Variants in MSI2 observed in about 807,000 individuals in gnomAD.
MSI2 encodes the protein musashi RNA binding protein 2.
A neutral mutation model predicts 45.6 loss-of-function variants in MSI2; 17 were observed. The observed-to-expected ratio is 0.37, with a 90% CI of 0.26 to 0.56. The LOEUF is 0.56. Ranked by LOEUF, MSI2 falls within the 20% of genes least tolerant of loss-of-function variation. The pLI is 0.77. For synonymous variants in MSI2, 156 were observed against 158.2 expected, an observed-to-expected ratio of 0.99 and a Z score of 0.11; for missense variants, 293 against 444.2, an observed-to-expected ratio of 0.66 and a Z score of 3.06.
intron 8 of MSI2, among the ~76,000 whole-genome samples, chr17:57,606,791 T>A (rs546515367): frequency 6.6e-6 from 1 of 151,790 alleles, no homozygotes; most frequent in Non-Finnish European, 1.5e-5. Context: ...GGTAAGGAGA[T>A]CAGTTGTGGA....
intron 5 of MSI2, among the ~76,000 whole-genome samples, chr17:57,330,384 C>T (rs1357457704): frequency 6.6e-6 from 1 of 151,252 alleles, no homozygotes; most frequent in East Asian, 1.9e-4. Flanking sequence ...TCCTGGGCTC[C>T]AGCGATTCTC....
chr17:57,536,157 A>G (rs781714729), intron 7 of MSI2, among the ~76,000 whole-genome samples: 17 of 152,224 alleles, frequency 1.1e-4, no homozygotes, highest in Non-Finnish European at 1.9e-4. Context: ...AAAATAATTT[A>G]AAGCATTGCT....
intron 5 of MSI2, among the ~76,000 whole-genome samples, chr17:57,271,154 G>T (rs1406636327): frequency 2.6e-5 from 4 of 152,262 alleles, no homozygotes; most frequent in Middle Eastern, 6.8e-3. Flanking sequence ...CTCTACCAAT[G>T]ACTGATCTGA....
At chr17:57,351,298 C>T (rs1916011999) in intron 5 of MSI2, among the ~76,000 whole-genome samples, 1 of 151,990 alleles carries the variant, frequency 6.6e-6, no homozygotes, top group South Asian at 2.1e-4. Context: ...TCAGTAAGGG[C>T]ACTAGCCATG....
intron 11 of MSI2, among the ~76,000 whole-genome samples, chr17:57,661,365 G>A (rs1055755384): frequency 6.6e-6 from 1 of 152,212 alleles, no homozygotes; most frequent in Non-Finnish European, 1.5e-5. Context: ...TTTGGAGTGG[G>A]AAGCTGTCTG....
intron 7 of MSI2, among the ~76,000 whole-genome samples, chr17:57,561,574 G>T (rs2087576080): frequency 6.6e-6 from 1 of 152,222 alleles, no homozygotes; most frequent in Non-Finnish European, 1.5e-5. Flanking sequence ...TTGCCCAGTT[G>T]CTGCTTTGAT....
intron 6 of MSI2, among the ~76,000 whole-genome samples, chr17:57,512,171 T>G (rs2086370085): frequency 6.6e-6 from 1 of 152,232 alleles, no homozygotes; most frequent in African/African-American, 2.4e-5. Flanking sequence ...TATCCTGCAC[T>G]GATGGCGCCT....
intron 6 of MSI2, among the ~76,000 whole-genome samples, chr17:57,406,240 A>T (rs1463880217): frequency 6.6e-6 from 1 of 152,066 alleles, no homozygotes; most frequent in African/African-American, 2.4e-5. Flanking sequence ...GCCCGTGTAG[A>T]CCCTGGCGAC....
intron 8 of MSI2, among the ~76,000 whole-genome samples, chr17:57,614,074 A>G (rs1419303219): frequency 6.6e-6 from 1 of 152,006 alleles, no homozygotes; most frequent in Non-Finnish European, 1.5e-5. Context: ...TTTTTGAGAT[A>G]GAGTCTCGCT....
At chr17:57,554,121 T>A (rs1017794972) in intron 7 of MSI2, among the ~76,000 whole-genome samples, 2 of 151,782 alleles carry the variant, frequency 1.3e-5, no homozygotes, top group Non-Finnish European at 2.9e-5. Flanking sequence ...CTAATAAAGA[T>A]GTACTAGCTT....
intron 8 of MSI2, among the ~76,000 whole-genome samples, chr17:57,612,798 G>A (rs929205697): frequency 1.3e-5 from 2 of 152,226 alleles, no homozygotes; most frequent in Non-Finnish European, 2.9e-5. Context: ...ACAGGCAGCA[G>A]GTTTTCATAA....
chr17:57,654,331 C>T (rs186204584), intron 11 of MSI2, among the ~76,000 whole-genome samples: 160 of 152,362 alleles, frequency 1.1e-3, no homozygotes, highest in Non-Finnish European at 2.1e-3. Context: ...CTCAGCCCCA[C>T]TTTGGACCTG....
chr17:57,645,613 T>A (rs1002728875), intron 10 of MSI2, among the ~76,000 whole-genome samples: 19 of 151,920 alleles, frequency 1.3e-4, no homozygotes, highest in Non-Finnish European at 2.5e-4. Flanking sequence ...CTTTTTTTTT[T>A]TTATTTTTAG....
intron 5 of MSI2, among the ~76,000 whole-genome samples, chr17:57,381,142 A>T (rs776070233): frequency 3.3e-5 from 5 of 151,974 alleles, no homozygotes; most frequent in Non-Finnish European, 5.9e-5. Context: ...ATCATGGCTC[A>T]CTGCAGCCTC....
At chr17:57,418,211 G>A (rs547709630) in intron 6 of MSI2, among the ~76,000 whole-genome samples, 18 of 152,338 alleles carry the variant, frequency 1.2e-4, no homozygotes, top group African/African-American at 1.2e-4. Context: ...CCTGTGGGCC[G>A]TAAGTTGCTA....
Position 57,257,080 on chromosome 17 carries a change from T to TA in MSI2, c.63-17dup, listed in dbSNP as rs765704114. ...ATCTGACATCGGTGCTCACTTCTGT[T>TA]ATGTTTTCTCCCTCTAGTAAAATGT... On this transcript the variant is annotated splice_polypyrimidine_tract_variant and intron_variant, in intron 1 of 13. Coordinates refer to ENST00000284073, the MANE Select transcript of MSI2 (RefSeq NM_138962.4). 1.3e-6 allele frequency: 2 copies of TA among 1,597,234 alleles called. No homozygotes were observed. The highest frequency in any genetic ancestry group is 1.7e-6 in the Non-Finnish European group (2 of 1,171,454).
intron 10 of MSI2, among the ~76,000 whole-genome samples, chr17:57,633,443 C>T (rs376625023): frequency 2.0e-5 from 3 of 152,248 alleles, no homozygotes; most frequent in African/African-American, 4.8e-5. Context: ...CTCCTTCCTC[C>T]GCCACGGCTC....
chr17:57,492,018 TTCTA>T (rs1394946389), intron 6 of MSI2, among the ~76,000 whole-genome samples: 1 of 152,374 alleles, frequency 6.6e-6, no homozygotes, highest in South Asian at 2.1e-4. Context: ...ATTAAAGCTT[TTCTA>T]TCTTTCTTTT....
chr17:57,439,272 G>T (rs1394540457), intron 6 of MSI2, among the ~76,000 whole-genome samples: 1 of 152,222 alleles, frequency 6.6e-6, no homozygotes, highest in Admixed American at 6.5e-5. Context: ...GATTTTACAG[G>T]TTGGAGGCTG....
Sources: gnomAD v4.1 joint callset for allele counts (sites outside exome capture counted in the v4.1 genomes callset) on GRCh38, gnomAD v4.1.1 for gene constraint, MANE v1.5 for transcripts, NCBI Gene and HGNC (gene_info 2026-07-23, HGNC 2026-07-21) for gene names.